Variants in MCC observed in about 807,000 individuals in gnomAD.
MCC encodes the protein MCC regulator of Wnt signaling pathway.
A neutral mutation model predicts 116.2 loss-of-function variants in MCC; 90 were observed. The observed-to-expected ratio is 0.77, with a 90% confidence interval of 0.65 to 0.92. The LOEUF is 0.92. MCC is among the 40% of genes least tolerant of loss of function. The pLI is 0.00. For missense variants in MCC, 1,516 were observed against 1,312.2 expected, an observed-to-expected ratio of 1.16 and a Z score of -2.40; for synonymous variants, 578 against 510.5, an observed-to-expected ratio of 1.13 and a Z score of -1.78.
intron 3 of MCC, among the ~76,000 whole-genome samples, chr5:113,339,425 G>GTT (rs1561530043): frequency 7.2e-6 from 1 of 138,984 alleles, no homozygotes; most frequent in Non-Finnish European, 1.6e-5. Context: ...GTGTGTGTGT[G>GTT]TGTGTGTGTG....
At chr5:113,196,392 T>C (rs1426053166) in intron 3 of MCC, among the ~76,000 whole-genome samples, 1 of 152,170 alleles carries the variant, frequency 6.6e-6, no homozygotes, top group African/African-American at 2.4e-5. Flanking sequence ...GGAGAGGTCA[T>C]GTCTCATTTA....
At position 113,023,815 on chromosome 5, in the gene MCC, T is replaced by TGATA. The variant is rs1401199764; in HGVS notation, c.*3483_*3486dup. The TGATA allele has an allele frequency of 5.0e-4, 76 of 152,150 alleles. No homozygotes were observed. Among genetic ancestry groups the TGATA allele is most frequent in the African/African-American group, 1.8e-3 (76 of 41,476 alleles). 9.4% of individuals were successfully genotyped at this position (152,150 alleles called of 1,614,324 possible). On this transcript the variant is annotated 3_prime_UTR_variant, in exon 19 of 19. Transcript: ENST00000408903. Reference sequence around the variant, plus strand: ...ACTCTTGAGAGCTATTAAGGTTGACTGATAGACTTAAAAAGTGATTGCTTT... The same window carrying TGATA: ...ACTCTTGAGAGCTATTAAGGTTGACTGATAGATAGACTTAAAAAGTGATTGCTTT...
At position 113,167,752 on chromosome 5, in the gene MCC, TCCC is replaced by T. The variant is rs386691236; in HGVS notation, c.628-16333_628-16331del. ...CTCAAGCAATTCTCTCACCTCAGCTTCCCAAGTAGCAGGGACTACAGGTGTGTG... is the reference window on the plus strand; with the variant it reads ...CTCAAGCAATTCTCTCACCTCAGCTTAAGTAGCAGGGACTACAGGTGTGTG... On this transcript the variant is annotated intron_variant, in intron 3 of 18. Coordinates refer to ENST00000408903, the MANE Select transcript of MCC (RefSeq NM_001085377.2). Among the ~76,000 whole-genome samples, 267 of 152,246 alleles carry T rather than the reference TCCC, an allele frequency of 1.8e-3. 1 individual carries two copies. Among genetic ancestry groups the T allele is most frequent in the African/African-American group, 5.7e-3 (235 of 41,550 alleles).
In MCC at chr5:113,434,058, A is replaced by G. The variant is rs1283199052; in HGVS notation, c.171-48846T>C. 3 of 1,614,018 alleles carry G rather than the reference A, an allele frequency of 1.9e-6. No homozygotes were observed. Among genetic ancestry groups the G allele is most frequent in the East Asian group, 4.5e-5 (2 of 44,874 alleles). On this transcript the variant is annotated intron_variant, in intron 1 of 18. Coordinates refer to ENST00000408903, the MANE Select transcript of MCC (RefSeq NM_001085377.2). This position sits in a 1 kb window ranked among gnomAD's most constrained non-coding sequence, Gnocchi z 4.2. ...GTGGCTGAGGATCTCGTCGATGTGG[A>G]GCCGCCGGTTGACGTCGGGCTGCAG...
chr5:113,121,281 T>C (rs74383581), intron 6 of MCC, among the ~76,000 whole-genome samples: 4,350 of 152,298 alleles, frequency 0.029, 198 homozygotes, highest in African/African-American at 0.092. Flanking sequence ...AATCTGATTA[T>C]CTCATTCTCT....
chr5:113,053,115 G>T (rs905817456), intron 15 of MCC, among the ~76,000 whole-genome samples: 5 of 152,088 alleles, frequency 3.3e-5, no homozygotes, highest in Non-Finnish European at 7.4e-5. Flanking sequence ...TCCCAGTAGG[G>T]GACACCAGCT....
At chr5:113,463,019 T>A (rs1771788273) in intron 1 of MCC, among the ~76,000 whole-genome samples, 1 of 152,024 alleles carries the variant, frequency 6.6e-6, no homozygotes, top group African/African-American at 2.4e-5. Flanking sequence ...AAAAGAAAGA[T>A]GAGAGGGCCA....
At chr5:113,052,444 T>A (rs1453297109) in intron 15 of MCC, among the ~76,000 whole-genome samples, 1 of 135,098 alleles carries the variant, frequency 7.4e-6, no homozygotes, top group Non-Finnish European at 1.5e-5. Flanking sequence ...TTGATGAAGA[T>A]GAGCCAGTTT....
chr5:113,352,978 G>A (rs1361285171), intron 2 of MCC, among the ~76,000 whole-genome samples: 1 of 152,154 alleles, frequency 6.6e-6, no homozygotes, highest in Admixed American at 6.5e-5. Flanking sequence ...GGTCTCATGA[G>A]CCCTCTTGTA....
Position 113,471,953 on chromosome 5 carries a change from C to T in MCC, c.170+16292G>A, listed in dbSNP as rs192906227. The stretch of plus-strand genomic sequence containing the variant: ...GAGTGAGACTCCGTGGGCGTGGGAC[C>T]CTTCGAGCCAGGTGAGGGATATAAT... On this transcript the variant is annotated intron_variant, in intron 1 of 18. Transcript: ENST00000408903. Among the ~76,000 whole-genome samples the T allele has an allele frequency of 1.2e-3, 176 of 152,212 alleles. 2 individuals are homozygous for T. In the East Asian group the frequency reaches 0.032, roughly 27 times the overall value.
intron 6 of MCC, among the ~76,000 whole-genome samples, chr5:113,118,059 T>C (rs371486350): frequency 3.9e-5 from 6 of 152,342 alleles, no homozygotes; most frequent in East Asian, 1.9e-4. Flanking sequence ...TTCTTGGCTG[T>C]GTGGCCTTGG....
intron 3 of MCC, among the ~76,000 whole-genome samples, chr5:113,180,163 G>C (rs1164301340): frequency 6.6e-6 from 1 of 151,994 alleles, no homozygotes; most frequent in Non-Finnish European, 1.5e-5. Flanking sequence ...TGGACTTCAC[G>C]GGCCCATCTC....
intron 3 of MCC, among the ~76,000 whole-genome samples, chr5:113,160,985 T>G (rs765990898): frequency 1.3e-5 from 2 of 152,154 alleles, no homozygotes; most frequent in Non-Finnish European, 2.9e-5. Flanking sequence ...CTTTAAAAAT[T>G]AAAAATCTAA....
chr5:113,142,569 T>C (rs1420306037), intron 5 of MCC, among the ~76,000 whole-genome samples: 5 of 148,248 alleles, frequency 3.4e-5, no homozygotes, highest in African/African-American at 9.7e-5. Flanking sequence ...GACCCACCTC[T>C]ATCCTCTCCT....
intron 3 of MCC, among the ~76,000 whole-genome samples, chr5:113,181,858 A>T (rs1337458706): frequency 3.3e-5 from 5 of 152,214 alleles, no homozygotes; most frequent in Admixed American, 2.0e-4. Context: ...CTGTGACTGC[A>T]GCTCACTGTA....
rs201871941 is a variant in MCC, at chr5:113,434,743, G to A, written c.171-49531C>T. The A allele has an allele frequency of 4.6e-5, 74 of 1,614,064 alleles. No homozygotes were observed. Among genetic ancestry groups the A allele is most frequent in the South Asian group, 1.9e-4 (17 of 91,080 alleles). ...TTGATCGCCACATTGAACTTCAGGC[G>A]CTCAGAGTAAGCAGATTTTACTTTT... On this transcript the variant is annotated intron_variant, in intron 1 of 18. Coordinates refer to ENST00000408903, the MANE Select transcript of MCC (RefSeq NM_001085377.2). This position sits in a 1 kb window ranked among gnomAD's most constrained non-coding sequence, Gnocchi z 4.2.
At chr5:113,238,394 TCTC>T (rs1163483378) in intron 3 of MCC, among the ~76,000 whole-genome samples, 4 of 152,136 alleles carry the variant, frequency 2.6e-5, no homozygotes, top group Admixed American at 2.6e-4. Context: ...TCCAGTCTTT[TCTC>T]CTATTTCCTA....
chr5:113,370,814 T>G lies in MCC; in HGVS notation c.415+14154A>C, dbSNP rs13189050. ...ACACAGTCTGCAGATTCTAAACATC[T>G]ATACAGAAATTTCTAACAAGAAAAA... On this transcript the variant is annotated intron_variant, in intron 2 of 18. Transcript: ENST00000408903. Among the ~76,000 whole-genome samples, 2 of 152,154 alleles carry G rather than the reference T, an allele frequency of 1.3e-5. 1 individual carries two copies. The highest frequency in any genetic ancestry group is 4.1e-4 in the South Asian group (2 of 4,822).
chr5:113,117,665 A>G (rs2150266606), intron 6 of MCC, among the ~76,000 whole-genome samples: 1 of 152,370 alleles, frequency 6.6e-6, no homozygotes, highest in East Asian at 1.9e-4. Flanking sequence ...CAGTTGCTCC[A>G]GAAAAGCACT....
Sources: allele counts gnomAD v4.1 joint callset (sites outside exome capture counted in the v4.1 genomes callset), GRCh38; gene constraint gnomAD v4.1.1; non-coding constraint Gnocchi (gnomAD v3.1); transcripts MANE v1.5; gene names NCBI Gene and HGNC (gene_info 2026-07-23, HGNC 2026-07-21).